SPIRE2: variants seen among roughly 807,000 people sequenced by gnomAD.
SPIRE2 encodes the protein spire type actin nucleation factor 2, also known as protein spire homolog 2.
A neutral mutation model predicts 80.7 loss-of-function variants in SPIRE2; 76 were observed. The ratio of observed to expected loss-of-function variants is 0.94; its 90% CI spans 0.78 to 1.14. The LOEUF is 1.14. Among genes scored for constraint, SPIRE2 ranks in the 50% most tolerant of loss-of-function variants. SPIRE2 has a pLI of 0.00. For missense variants in SPIRE2, 1,196 were observed against 1,015.3 expected, an observed-to-expected ratio of 1.18 and a Z score of -2.42; for synonymous variants, 535 against 432.6, an observed-to-expected ratio of 1.24 and a Z score of -2.94.
At chr16:89,857,760 G>C (rs1188474238) in intron 7 of SPIRE2, among the ~76,000 whole-genome samples, 1 of 151,736 alleles carries the variant, frequency 6.6e-6, no homozygotes, top group Non-Finnish European at 1.5e-5. Context: ...AGTAGAGACG[G>C]GGTTTCTCCA....
At chr16:89,866,600 T>G (rs79511167) in intron 12 of SPIRE2, among the ~76,000 whole-genome samples, 9 of 50,602 alleles carry the variant, frequency 1.8e-4, no homozygotes, top group East Asian at 9.8e-4. Context: ...CAGCCTTGAA[T>G]TTTTTTTTTT....
At chr16:89,844,749 AT>A (rs1442470358) in intron 1 of SPIRE2, among the ~76,000 whole-genome samples, 1 of 152,054 alleles carries the variant, frequency 6.6e-6, no homozygotes, top group Non-Finnish European at 1.5e-5. Flanking sequence ...TCCCAAAGTA[AT>A]TTTAAAATTT....
chr16:89,831,783 T>C (rs2376874), intron 1 of SPIRE2, among the ~76,000 whole-genome samples: 96,074 of 150,642 alleles, frequency 0.64, 33,302 homozygotes, highest in East Asian at 0.98. Context: ...CCCCGCCCTT[T>C]CTCCTGCCCC....
chr16:89,850,771 C>T (rs1280647265), intron 3 of SPIRE2, 111 bp downstream of exon 3: 9 of 747,884 alleles, frequency 1.2e-5, no homozygotes, highest in East Asian at 3.1e-5. Context: ...GTCAGGTCGT[C>T]GGTGCGACTG....
chr16:89,863,338 G>A lies in SPIRE2; in HGVS notation c.1576-138G>A. ...ATGGGGATGGATGGCTGATGGACAA[G>A]ATGGCTGATGGACAGCGTTTTAGAA... On this transcript the variant is annotated intron_variant, in intron 10 of 14. Transcript: ENST00000378247. The surrounding 1 kb of genome is among the most constrained non-coding windows in gnomAD (Gnocchi z 4.3). 1.1e-6 allele frequency: 1 copy of A among 900,834 alleles called. No individual in the cohort carries two copies. Among genetic ancestry groups the A allele is most frequent in the South Asian group, 1.7e-5 (1 of 58,270 alleles). The allele number at this position is 900,834 out of a possible 1,614,324, so 55.8% of individuals were successfully genotyped here. A position where few individuals can be genotyped will look rare whatever the true frequency, so the allele number is the denominator to read the frequency against.
At chr16:89,831,571 G>T (rs1444730735) in intron 1 of SPIRE2, among the ~76,000 whole-genome samples, 1 of 149,950 alleles carries the variant, frequency 6.7e-6, no homozygotes, top group African/African-American at 2.4e-5. Flanking sequence ...CTAATTTTTT[G>T]TATTTTTAGT....
intron 1 of SPIRE2, among the ~76,000 whole-genome samples, chr16:89,830,868 T>A (rs2041372781): frequency 6.6e-6 from 1 of 150,674 alleles, no homozygotes; most frequent in South Asian, 2.1e-4. Flanking sequence ...AGAAGAGACT[T>A]CCTAATCTTT....
At chr16:89,860,927 G>T (rs374427177) in intron 10 of SPIRE2, 132 bp downstream of exon 10, 36 of 578,124 alleles carry the variant, frequency 6.2e-5, no homozygotes, top group South Asian at 2.7e-4. Flanking sequence ...GTCCGTCTGG[G>T]GGGGCGCGGT....
intron 1 of SPIRE2, among the ~76,000 whole-genome samples, chr16:89,843,615 G>T (rs2041523947): frequency 7.1e-6 from 1 of 140,438 alleles, no homozygotes; most frequent in East Asian, 2.2e-4. Flanking sequence ...CAGACCACAG[G>T]TTCTTTCCTG....
At chr16:89,852,002 G>C (rs962043426) in intron 3 of SPIRE2, among the ~76,000 whole-genome samples, 1 of 144,360 alleles carries the variant, frequency 6.9e-6, no homozygotes, top group Non-Finnish European at 1.5e-5. Context: ...CGTGTGCCAA[G>C]GTTGGACGGC....
chr16:89,848,835 G>A lies in SPIRE2; in HGVS notation c.289-1469G>A, dbSNP rs536501009. On this transcript the variant is annotated intron_variant, in intron 2 of 14. Coordinates refer to ENST00000378247, the MANE Select transcript of SPIRE2 (RefSeq NM_032451.2). ...CGAGGCAGGTTCCAGGGCCTTCTGCGGCTTTTTTGCAGGTCAGACGAGGCA... is the reference window on the plus strand; with the variant it reads ...CGAGGCAGGTTCCAGGGCCTTCTGCAGCTTTTTTGCAGGTCAGACGAGGCA... 3.5e-4 allele frequency among the ~76,000 whole-genome samples: 52 copies of A among 147,120 alleles called. No individual in the cohort carries two copies. The South Asian group carries it at 0.011, about 30-fold the overall frequency.
At chr16:89,837,146 T>C (rs1295397870) in intron 1 of SPIRE2, among the ~76,000 whole-genome samples, 2 of 152,150 alleles carry the variant, frequency 1.3e-5, no homozygotes, top group African/African-American at 4.8e-5. Context: ...GAGGCTCCGT[T>C]GTCAGGCCTG....
At chr16:89,855,901 G>A in intron 6 of SPIRE2, 1 of 990,972 alleles carries the variant, frequency 1.0e-6, no homozygotes, top group Non-Finnish European at 1.4e-6. Flanking sequence ...GGGGCCATGT[G>A]AGCCATGCCC....
chr16:89,835,090 C>A (rs905274984), intron 1 of SPIRE2, among the ~76,000 whole-genome samples: 2 of 149,186 alleles, frequency 1.3e-5, no homozygotes, highest in African/African-American at 5.0e-5. Flanking sequence ...TCGCAGTTGG[C>A]CGTCGTAGAA....
chr16:89,858,291 G>A (rs933877476), intron 7 of SPIRE2, 47 bp from the exon 8 acceptor site: 2 of 1,506,426 alleles, frequency 1.3e-6, no homozygotes, highest in Non-Finnish European at 8.9e-7. Context: ...CCTGCCTGCT[G>A]TCTCCCCGTT....
At chr16:89,843,122 G>C (rs1162007728) in intron 1 of SPIRE2, among the ~76,000 whole-genome samples, 1 of 152,204 alleles carries the variant, frequency 6.6e-6, no homozygotes. Flanking sequence ...CTGTAGAATC[G>C]GGTGGATGTT....
chr16:89,859,255 TCTGGC>T lies in SPIRE2; in HGVS notation c.1367_1371del (p.Gly456AlafsTer39). On this transcript the variant is annotated frameshift_variant, in exon 9 of 15. Coordinates refer to ENST00000378247, the MANE Select transcript of SPIRE2 (RefSeq NM_032451.2). LOFTEE classifies it high-confidence loss of function. ...GGCCCAGCTCCGAAGTGAGGTGGCC[TCTGGC>T]CTGCAGTCGGCCACCCACCCCCCAG... 6.2e-7 allele frequency: 1 copy of T among 1,608,442 alleles called. No individual in the cohort carries two copies. The highest frequency in any genetic ancestry group is 8.5e-7 in the Non-Finnish European group (1 of 1,178,590).
chr16:89,847,031 C>T (rs2041568639), intron 2 of SPIRE2: 1 of 151,222 alleles, frequency 6.6e-6, no homozygotes, highest in Admixed American at 6.6e-5. Context: ...ACCGCAAGAC[C>T]TATTGATATA....
At chr16:89,869,342 G>A (rs1036635220) in intron 13 of SPIRE2, among the ~76,000 whole-genome samples, 3 of 151,840 alleles carry the variant, frequency 2.0e-5, no homozygotes, top group Admixed American at 6.6e-5. Flanking sequence ...CGGTTCTTGC[G>A]CTCTAAGAAG....
Sources: gnomAD v4.1 joint callset for allele counts (sites outside exome capture counted in the v4.1 genomes callset) on GRCh38, gnomAD v4.1.1 for gene constraint, Gnocchi (gnomAD v3.1) non-coding constraint, MANE v1.5 for transcripts, NCBI Gene and HGNC (gene_info 2026-07-23, HGNC 2026-07-21) for gene names.